Variants in RRP9 observed in about 807,000 individuals in gnomAD.
RRP9 encodes the protein ribosomal RNA processing 9, U3 small nucleolar RNA binding protein, also known as U3 small nucleolar RNA-interacting protein 2.
A neutral mutation model predicts 65.5 loss-of-function variants in RRP9; 35 were observed. The observed-to-expected ratio is 0.53, with a 90% confidence interval of 0.41 to 0.71. The LOEUF is 0.71. Among genes scored for constraint, RRP9 ranks in the 30% least tolerant of loss-of-function variants. RRP9 has a pLI of 0.00. For synonymous variants in RRP9, 254 were observed against 245.0 expected (o/e 1.04, Z -0.34); for missense variants, 533 against 633.6 (o/e 0.84, Z 1.70).
chr3:51,933,630 C>T lies in RRP9; in HGVS notation c.1335-31G>A, dbSNP rs374556698. 172 of 1,608,920 alleles carry T rather than the reference C, an allele frequency of 1.1e-4. No individual in the cohort carries two copies. In the African/African-American group the frequency reaches 1.4e-3, roughly 13 times the overall value. ...GGGAGTGCAAGACGCAGCTGAGACTCGGCCCAGTCTCCACCCCATTTCCAC... is the reference window on the plus strand; with the variant it reads ...GGGAGTGCAAGACGCAGCTGAGACTTGGCCCAGTCTCCACCCCATTTCCAC... On this transcript the variant is annotated intron_variant, in intron 14 of 14. Coordinates refer to ENST00000232888, the MANE Select transcript of RRP9 (RefSeq NM_004704.5).
chr3:51,937,411 G>A lies in RRP9; in HGVS notation c.391-93C>T. 1.9e-6 allele frequency: 3 copies of A among 1,605,930 alleles called. No individual in the cohort carries two copies. The highest frequency in any genetic ancestry group is 2.6e-6 in the Non-Finnish European group (3 of 1,174,126). On this transcript the variant is annotated intron_variant, in intron 5 of 14. Transcript: ENST00000232888. This position sits in a 1 kb window ranked among gnomAD's most constrained non-coding sequence, Gnocchi z 5.0. ...CGTAGTGTTGGCCTTTCCCACCCAG[G>A]CCAGAAGGAAAACAAGACCCAAGGC...
chr3:51,941,560 C>CT lies in RRP9; in HGVS notation c.88-70_88-69insA, dbSNP rs546543549. 2.0e-5 allele frequency: 29 copies of CT among 1,415,238 alleles called. No homozygotes were observed. In the African/African-American group the frequency reaches 2.7e-4, roughly 13 times the overall value. The allele number at this position is 1,415,238 out of a possible 1,614,324, so 87.7% of individuals were successfully genotyped here. A position where few individuals can be genotyped will look rare whatever the true frequency, so the allele number is the denominator to read the frequency against. Reference sequence around the variant, plus strand: ...CCCTGGCATTGACCAAGGGCCCCCCCCCCTCGGTTCCCTCAGAACCCCAGG... The same window carrying CT: ...CCCTGGCATTGACCAAGGGCCCCCCCTCCCTCGGTTCCCTCAGAACCCCAGG... On this transcript the variant is annotated intron_variant, in intron 1 of 14. Transcript: ENST00000232888.
intron 2 of RRP9, 67 bp from the exon 3 acceptor site, chr3:51,938,271 T>C (rs979955182): frequency 3.4e-5 from 41 of 1,222,542 alleles, no homozygotes; most frequent in Non-Finnish European, 4.4e-5. Context: ...GATCGTGCCT[T>C]CTGGATGCTC....
At position 51,937,442 on chromosome 3, in the gene RRP9, C is replaced by T; in HGVS notation, c.390+103G>A. On this transcript the variant is annotated intron_variant, in intron 5 of 14. Transcript: ENST00000232888. The surrounding 1 kb of genome is among the most constrained non-coding windows in gnomAD (Gnocchi z 5.0). Reference sequence around the variant, plus strand: ...AGGAAAACAAGACCCAAGGCTACAACAACCAGATCCTTACCTGACCAGATA... The same window carrying T: ...AGGAAAACAAGACCCAAGGCTACAATAACCAGATCCTTACCTGACCAGATA... 3 of 1,605,392 alleles carry T rather than the reference C, an allele frequency of 1.9e-6. No homozygotes were observed. The highest frequency in any genetic ancestry group is 2.6e-6 in the Non-Finnish European group (3 of 1,172,824).
In RRP9 at chr3:51,937,970, T is replaced by C; in HGVS notation, c.280+125A>G. Reference sequence around the variant, plus strand: ...GCCACCCCCACAGGGCAGCCAGCACTGACAGCCTGGGCACCCACTGGGAAT... The same window carrying C: ...GCCACCCCCACAGGGCAGCCAGCACCGACAGCCTGGGCACCCACTGGGAAT... On this transcript the variant is annotated intron_variant, in intron 3 of 14. Transcript: ENST00000232888. This position sits in a 1 kb window ranked among gnomAD's most constrained non-coding sequence, Gnocchi z 5.0. 1 of 998,254 alleles carries C rather than the reference T, an allele frequency of 1.0e-6. No homozygotes were observed. The highest frequency in any genetic ancestry group is 2.4e-5 in the East Asian group (1 of 41,616). The allele number at this position is 998,254 out of a possible 1,614,324, so 61.8% of individuals were successfully genotyped here.
At chr3:51,940,492 A>G (rs865825942) in intron 2 of RRP9, among the ~76,000 whole-genome samples, 9 of 152,126 alleles carry the variant, frequency 5.9e-5, no homozygotes, top group African/African-American at 1.7e-4. Context: ...TACAATCTAC[A>G]TGCACTTATG....
intron 6 of RRP9, 78 bp from the exon 7 acceptor site, chr3:51,936,633 G>C: frequency 6.8e-7 from 1 of 1,462,052 alleles, no homozygotes; most frequent in Non-Finnish European, 9.4e-7. Context: ...GGGGCAGCAT[G>C]GAAAAAAGAG....
At position 51,938,193 on chromosome 3, in the gene RRP9, C is replaced by A; in HGVS notation, c.182G>T (p.Arg61Met). 6.4e-7 allele frequency: 1 copy of A among 1,566,504 alleles called. No individual in the cohort carries two copies. Among genetic ancestry groups the A allele is most frequent in the African/African-American group, 1.4e-5 (1 of 74,020 alleles). Residue 61 changes from arginine to methionine, a missense_variant, in exon 3 of 15, where the codon AGG becomes ATG. By Grantham distance (91) the Arg-to-Met change is moderately conservative. This residue lies in a region of RRP9 where 449 missense variants were observed against 550.6 expected (regional missense o/e 0.82). Coordinates refer to ENST00000232888, the MANE Select transcript of RRP9 (RefSeq NM_004704.5). ...CTCCTCCTCCTCCTCCTCAGGCTTCCTTGGAGCTAGGCTGTGGGCAGGAAG... is the reference window on the plus strand; with the variant it reads ...CTCCTCCTCCTCCTCCTCAGGCTTCATTGGAGCTAGGCTGTGGGCAGGAAG... ...SDSESESLAPRKPEEEEEEEL... is the reference protein window; with the variant it reads ...SDSESESLAPMKPEEEEEEEL...
chr3:51,933,758 CTT>C lies in RRP9; in HGVS notation c.1282_1283del (p.Lys428ValfsTer68). 6.2e-7 allele frequency: 1 copy of C among 1,614,140 alleles called. No homozygotes were observed. Among genetic ancestry groups the C allele is most frequent in the Non-Finnish European group, 8.5e-7 (1 of 1,180,020 alleles). On this transcript the variant is annotated frameshift_variant, in exon 14 of 15. Transcript: ENST00000232888. LOFTEE classifies it high-confidence loss of function. ...CCAGGAAGTCCCCAGAGCTGGAGAACTTGAGGCTGTTGATAAAACCCACCTGA... is the reference window on the plus strand; with the variant it reads ...CCAGGAAGTCCCCAGAGCTGGAGAACGAGGCTGTTGATAAAACCCACCTGA... ...IPLVGFINSL[K>X]FSSSGDFLVA...
At position 51,937,638 on chromosome 3, in the gene RRP9, C is replaced by T. The variant is rs759922684; in HGVS notation, c.348+31G>A. The T allele has an allele frequency of 1.7e-5, 27 of 1,614,094 alleles. No homozygotes were observed. The highest frequency in any genetic ancestry group is 4.5e-5 in the East Asian group (2 of 44,902). On this transcript the variant is annotated intron_variant, in intron 4 of 14. Coordinates refer to ENST00000232888, the MANE Select transcript of RRP9 (RefSeq NM_004704.5). This position sits in a 1 kb window ranked among gnomAD's most constrained non-coding sequence, Gnocchi z 5.0. ...CCTGGGAGCAGATCAGCTCCACCCCCGTCCTCCCCCAACTCTCCCTCCACA... is the reference window on the plus strand; with the variant it reads ...CCTGGGAGCAGATCAGCTCCACCCCTGTCCTCCCCCAACTCTCCCTCCACA...
Position 51,935,572 on chromosome 3 carries a change from C to T in RRP9, c.836+20G>A, listed in dbSNP as rs770985068. On this transcript the variant is annotated intron_variant, in intron 9 of 14. Transcript: ENST00000232888. ...ACCCTCTCTCACACCATCCACACAC[C>T]CTCTCCCATCCACACTCACAGCGTC... is the stretch of plus-strand genomic sequence containing the variant. 6.2e-7 allele frequency: 1 copy of T among 1,613,744 alleles called. No individual in the cohort carries two copies. Among genetic ancestry groups the T allele is most frequent in the East Asian group, 2.2e-5 (1 of 44,882 alleles).
intron 2 of RRP9, 139 bp downstream of exon 2, chr3:51,941,270 A>G: frequency 2.6e-6 from 2 of 779,158 alleles, no homozygotes; most frequent in Non-Finnish European, 4.3e-6. Context: ...AGGACCAGAA[A>G]CTAAAGGAAA....
rs192550426 is a variant in RRP9 at position 51,935,433 on chromosome 3, G to A, written c.880C>T (p.Arg294Trp). The change falls in exon 10 of 15, where the codon CGG becomes TGG. Residue 294 changes from arginine (R) to tryptophan (W), a missense_variant. Physicochemically the swap from Arg to Trp is moderately radical, Grantham distance 101. Coordinates refer to ENST00000232888, the MANE Select transcript of RRP9 (RefSeq NM_004704.5). Reference protein sequence around the residue: ...DAVAALDALSRECCVTAGGRD... With the variant: ...DAVAALDALSWECCVTAGGRD... ...CCCCCAGCCGTCACACAGCACTCCC[G>A]GCTCAAGGCATCCAGTGCAGCCACA... 2.6e-5 allele frequency: 42 copies of A among 1,614,134 alleles called. No homozygotes were observed. The highest frequency in any genetic ancestry group is 2.0e-4 in the East Asian group (9 of 44,878).
At position 51,941,553 on chromosome 3, in the gene RRP9, G is replaced by GCCCC. The variant is rs5848937; in HGVS notation, c.88-66_88-63dup. 9.2e-5 allele frequency: 119 copies of GCCCC among 1,290,740 alleles called. No homozygotes were observed. The African/African-American group carries it at 1.6e-3, about 17-fold the overall frequency. The allele number at this position is 1,290,740 out of a possible 1,614,324, so 80.0% of individuals were successfully genotyped here. A position where few individuals can be genotyped will look rare whatever the true frequency, so the allele number is the denominator to read the frequency against. On this transcript the variant is annotated intron_variant, in intron 1 of 14. Transcript: ENST00000232888. Reference sequence around the variant, plus strand: ...CAGACCACCCTGGCATTGACCAAGGGCCCCCCCCCCTCGGTTCCCTCAGAA... The same window carrying GCCCC: ...CAGACCACCCTGGCATTGACCAAGGGCCCCCCCCCCCCCCTCGGTTCCCTCAGAA...
chr3:51,934,606 C>T lies in RRP9; in HGVS notation c.1180+25G>A. On this transcript the variant is annotated intron_variant, in intron 12 of 14. Coordinates refer to ENST00000232888, the MANE Select transcript of RRP9 (RefSeq NM_004704.5). This position sits in a 1 kb window ranked among gnomAD's most constrained non-coding sequence, Gnocchi z 4.1. The stretch of plus-strand genomic sequence containing the variant: ...TGCACCGGCCCACCCGGCGACCCCT[C>T]CTCCCTGCCTCTCAGGGCACCCACC... 1 of 1,613,888 alleles carries T rather than the reference C, an allele frequency of 6.2e-7. No homozygotes were observed. Among genetic ancestry groups the T allele is most frequent in the Non-Finnish European group, 8.5e-7 (1 of 1,179,846 alleles).
At position 51,937,083 on chromosome 3, in the gene RRP9, A is replaced by G; in HGVS notation, c.517+109T>C. ...CTCCTAGGGCAGCAAACCTGCCTCC[A>G]GAGACTTCCCCACTTCAGGGCTCAG... On this transcript the variant is annotated intron_variant, in intron 6 of 14. Transcript: ENST00000232888. This position sits in a 1 kb window ranked among gnomAD's most constrained non-coding sequence, Gnocchi z 5.0. 7.0e-7 allele frequency: 1 copy of G among 1,422,500 alleles called. No individual in the cohort carries two copies. Among genetic ancestry groups the G allele is most frequent in the Non-Finnish European group, 9.6e-7 (1 of 1,036,306 alleles). The allele number at this position is 1,422,500 out of a possible 1,614,324, so 88.1% of individuals were successfully genotyped here. A position where few individuals can be genotyped will look rare whatever the true frequency, so the allele number is the denominator to read the frequency against.
rs199806648 is a variant in RRP9, at chr3:51,937,147, C to T, written c.517+45G>A. ...CTCCCACTCCCCTGACCAGCCCTCC[C>T]GGATCCGCCATGGGGGCTCCAGCCC... On this transcript the variant is annotated intron_variant, in intron 6 of 14. Coordinates refer to ENST00000232888, the MANE Select transcript of RRP9 (RefSeq NM_004704.5). The surrounding 1 kb of genome is among the most constrained non-coding windows in gnomAD (Gnocchi z 5.0). 54 of 1,606,544 alleles carry T rather than the reference C, an allele frequency of 3.4e-5. No individual in the cohort carries two copies. The highest frequency in any genetic ancestry group is 1.1e-4 in the African/African-American group (8 of 74,896).
In RRP9 at chr3:51,934,789, A is replaced by C; in HGVS notation, c.1035-13T>G. On this transcript the variant is annotated splice_polypyrimidine_tract_variant and intron_variant, in intron 11 of 14. Coordinates refer to ENST00000232888, the MANE Select transcript of RRP9 (RefSeq NM_004704.5). The surrounding 1 kb of genome is among the most constrained non-coding windows in gnomAD (Gnocchi z 4.1). ...CAAGGCCACAGAGCTATAAACAGGG[A>C]GGGAATACAGCAGTGAGGGGGCCAG... 1.2e-6 allele frequency: 2 copies of C among 1,610,016 alleles called. No homozygotes were observed. Among genetic ancestry groups the C allele is most frequent in the Non-Finnish European group, 1.7e-6 (2 of 1,178,102 alleles).
chr3:51,935,273 C>A lies in RRP9; in HGVS notation c.972-14G>T, dbSNP rs761781002. 2 of 1,614,170 alleles carry A rather than the reference C, an allele frequency of 1.2e-6. No homozygotes were observed. Among genetic ancestry groups the A allele is most frequent in the Admixed American group, 3.3e-5 (2 of 60,028 alleles). On this transcript the variant is annotated splice_polypyrimidine_tract_variant and intron_variant, in intron 10 of 14. Coordinates refer to ENST00000232888, the MANE Select transcript of RRP9 (RefSeq NM_004704.5). ...TCGATGGAGCCCCTGGAGAAAGGGG[C>A]TGTGAGGAGCGTGGCCCAAGCCCAC...
Sources: allele counts gnomAD v4.1 joint callset (sites outside exome capture counted in the v4.1 genomes callset), GRCh38; gene constraint gnomAD v4.1.1; regional missense constraint gnomAD v4.1.1; non-coding constraint Gnocchi (gnomAD v3.1); transcripts MANE v1.5; gene names NCBI Gene and HGNC (gene_info 2026-07-23, HGNC 2026-07-21).